The following ZYG11B variants were observed in gnomAD, a reference collection of about 807,000 sequenced individuals.
ZYG11B encodes zyg-11 family member B, cell cycle regulator, also known as protein zyg-11 homolog B.
In ZYG11B, 36 loss-of-function variants were observed where a neutral mutation model predicts 82.4. The observed-to-expected ratio is 0.44, with a 90% confidence interval of 0.33 to 0.58. The LOEUF is 0.58. Among genes scored for constraint, ZYG11B ranks in the 20% least tolerant of loss-of-function variants. The pLI, the probability that ZYG11B is intolerant of heterozygous loss-of-function variation, is 0.02. For missense variants in ZYG11B, 552 were observed against 895.6 expected (o/e 0.62, Z 4.90); for synonymous variants, 303 against 312.8 (o/e 0.97, Z 0.33).
At chr1:52,728,609 T>C (rs1222481423) in intron 1 of ZYG11B, among the ~76,000 whole-genome samples, 4 of 152,198 alleles carry the variant, frequency 2.6e-5, no homozygotes, top group Non-Finnish European at 5.9e-5. Context: ...TATGATGATA[T>C]ACTTTTCAGA....
chr1:52,786,705 C>T (rs1644915463), intron 5 of ZYG11B, among the ~76,000 whole-genome samples: 2 of 152,186 alleles, frequency 1.3e-5, no homozygotes, highest in African/African-American at 4.8e-5. Context: ...TTGTTAGAGC[C>T]AGGCACTCAA....
intron 8 of ZYG11B, among the ~76,000 whole-genome samples, chr1:52,797,284 AT>A (rs1209652480): frequency 1.1e-5 from 1 of 89,750 alleles, no homozygotes; most frequent in Non-Finnish European, 1.9e-5. Flanking sequence ...AAATATTTAT[AT>A]TATATATAAA....
intron 10 of ZYG11B, 87 bp downstream of exon 10, chr1:52,802,226 G>A: frequency 1.5e-6 from 2 of 1,315,942 alleles, no homozygotes; most frequent in Non-Finnish European, 2.1e-6. Flanking sequence ...CTCTGCAGTG[G>A]CAGTATCATA....
chr1:52,739,750 C>T (rs545717827), intron 1 of ZYG11B, among the ~76,000 whole-genome samples: 41 of 151,796 alleles, frequency 2.7e-4, no homozygotes, highest in Non-Finnish European at 2.5e-4. Context: ...GCCTCCCAGG[C>T]GCCCACCCCC....
chr1:52,772,738 C>T (rs985583821), intron 3 of ZYG11B: 9 of 638,118 alleles, frequency 1.4e-5, no homozygotes, highest in Middle Eastern at 4.2e-4. Context: ...AGTGCAGTGG[C>T]GCTATCTTGG....
chr1:52,726,659 C>G lies in ZYG11B; in HGVS notation c.6C>G (p.Pro2=), dbSNP rs1030767851. The G allele has an allele frequency of 5.4e-6, 8 of 1,478,384 alleles. No individual in the cohort carries two copies. The highest frequency in any genetic ancestry group is 2.3e-5 in the Admixed American group (1 of 43,016). The allele number at this position is 1,478,384 out of a possible 1,614,324, so 91.6% of individuals were successfully genotyped here. A position where few individuals can be genotyped will look rare whatever the true frequency, so the allele number is the denominator to read the frequency against. ...GCACCCAGGACGGAGGCTGCATGCCCGAGGACCAGGCCGGCGCAGCCATGG... is the reference window on the plus strand; with the variant it reads ...GCACCCAGGACGGAGGCTGCATGCCGGAGGACCAGGCCGGCGCAGCCATGG... The part of the protein sequence containing the change: M[P]EDQAGAAMEE... The change falls in exon 1 of 14, where the codon CCC becomes CCG. Residue 2 remains proline, a synonymous_variant. Coordinates refer to ENST00000294353, the MANE Select transcript of ZYG11B (RefSeq NM_024646.3).
intron 10 of ZYG11B, among the ~76,000 whole-genome samples, chr1:52,810,449 C>T (rs2149963940): frequency 6.6e-6 from 1 of 152,192 alleles, no homozygotes; most frequent in Non-Finnish European, 1.5e-5. Flanking sequence ...TGTGAGTTAC[C>T]TTCATCTCTG....
chr1:52,765,746 T>A (rs1261046886), intron 2 of ZYG11B, among the ~76,000 whole-genome samples: 1 of 152,048 alleles, frequency 6.6e-6, no homozygotes, highest in Admixed American at 6.6e-5. Flanking sequence ...CGGGTAATCC[T>A]CTTGTCTCAT....
rs932319013 is a variant in ZYG11B, at chr1:52,784,854, G to A, written c.1093-23G>A. The A allele has an allele frequency of 2.5e-6, 4 of 1,610,380 alleles. No homozygotes were observed. In the Admixed American group the frequency reaches 6.8e-5, roughly 27 times the overall value. On this transcript the variant is annotated intron_variant, in intron 4 of 13. Coordinates refer to ENST00000294353, the MANE Select transcript of ZYG11B (RefSeq NM_024646.3). Reference sequence around the variant, plus strand: ...GGCTTGTATTTATAAGGTGAATTAAGAGGACTAATTTTTTTTTTCCAGCTT... The same window carrying A: ...GGCTTGTATTTATAAGGTGAATTAAAAGGACTAATTTTTTTTTTCCAGCTT...
At chr1:52,802,672 A>G (rs907592798) in intron 10 of ZYG11B, among the ~76,000 whole-genome samples, 1 of 151,452 alleles carries the variant, frequency 6.6e-6, no homozygotes, top group African/African-American at 2.4e-5. Flanking sequence ...GACAATTTCT[A>G]GGCGAATGAA....
intron 10 of ZYG11B, among the ~76,000 whole-genome samples, chr1:52,803,117 T>TATATAC (rs1175820440): frequency 4.0e-5 from 1 of 25,206 alleles, no homozygotes; most frequent in Non-Finnish European, 6.6e-5. Context: ...TATATATATA[T>TATATAC]ACACACATAT....
chr1:52,739,097 CCTG>C (rs1349859764), intron 1 of ZYG11B, among the ~76,000 whole-genome samples: 106 of 150,216 alleles, frequency 7.1e-4, no homozygotes, highest in Non-Finnish European at 1.3e-3. Flanking sequence ...AAGCGATTCT[CCTG>C]CCTCAGCCCC....
chr1:52,768,315 G>C (rs1020760371), intron 2 of ZYG11B, among the ~76,000 whole-genome samples: 1 of 152,046 alleles, frequency 6.6e-6, no homozygotes, highest in Non-Finnish European at 1.5e-5. Flanking sequence ...ACTTTTCTGC[G>C]TTGTTCCATG....
intron 2 of ZYG11B, among the ~76,000 whole-genome samples, chr1:52,763,349 A>G (rs1644652886): frequency 6.6e-6 from 1 of 152,166 alleles, no homozygotes; most frequent in African/African-American, 2.4e-5. Context: ...TGGTATTTTG[A>G]TAGGAATTGC....
At chr1:52,764,324 A>C (rs1644662747) in intron 2 of ZYG11B, among the ~76,000 whole-genome samples, 1 of 149,846 alleles carries the variant, frequency 6.7e-6, no homozygotes, top group Admixed American at 6.7e-5. Context: ...TAGTAGAGAT[A>C]GGGTTTCGCC....
At chr1:52,793,451 A>T (rs1644976012) in intron 6 of ZYG11B, among the ~76,000 whole-genome samples, 1 of 152,170 alleles carries the variant, frequency 6.6e-6, no homozygotes, top group Non-Finnish European at 1.5e-5. Flanking sequence ...AAATTGTGCC[A>T]CTGCACCCCA....
At chr1:52,820,816 T>C (rs1189076680) in intron 13 of ZYG11B, among the ~76,000 whole-genome samples, 1 of 151,128 alleles carries the variant, frequency 6.6e-6, no homozygotes, top group Admixed American at 6.6e-5. Context: ...GCATAGTAAA[T>C]GCAGCCTGGC....
At chr1:52,768,259 T>C (rs1644715474) in intron 2 of ZYG11B, among the ~76,000 whole-genome samples, 1 of 152,104 alleles carries the variant, frequency 6.6e-6, no homozygotes. Context: ...GGCTGCTGGC[T>C]CCTTCAACTT....
intron 1 of ZYG11B, among the ~76,000 whole-genome samples, chr1:52,733,816 G>C (rs1251006182): frequency 6.6e-6 from 1 of 152,144 alleles, no homozygotes; most frequent in Non-Finnish European, 1.5e-5. Flanking sequence ...TCAGTGTTCA[G>C]ATTAAGTTAT....
Sources: allele counts gnomAD v4.1 joint callset (sites outside exome capture counted in the v4.1 genomes callset), GRCh38; gene constraint gnomAD v4.1.1; transcripts MANE v1.5; gene names NCBI Gene and HGNC (gene_info 2026-07-23, HGNC 2026-07-21).